The following PSMB6 variants were observed in gnomAD, a reference collection of about 807,000 sequenced individuals.
PSMB6 encodes the protein proteasome 20S subunit beta 6, also known as proteasome subunit beta type-6.
Under a neutral mutation model 28.2 loss-of-function variants are expected in PSMB6, and 11 were observed. The observed-to-expected ratio is 0.39, with a 90% CI of 0.25 to 0.65. The LOEUF is 0.65. Ranked by LOEUF, PSMB6 falls within the 30% of genes least tolerant of loss-of-function variation. The pLI is 0.48. For synonymous variants in PSMB6, 126 were observed against 117.7 expected, an observed-to-expected ratio of 1.07 and a Z score of -0.45; for missense variants, 268 against 319.4, an observed-to-expected ratio of 0.84 and a Z score of 1.23.
chr17:4,796,363 G>T (rs1367597054), intron 1 of PSMB6, 67 bp downstream of exon 1: 1 of 1,290,262 alleles, frequency 7.8e-7, no homozygotes, highest in Non-Finnish European at 1.1e-6. Context: ...TAAAGCCTGA[G>T]TGGGGTTGAG....
intron 1 of PSMB6, 149 bp from the exon 2 acceptor site, chr17:4,796,579 C>A: frequency 1.2e-6 from 1 of 841,066 alleles, no homozygotes; most frequent in Non-Finnish European, 2.1e-6. Flanking sequence ...GGTTGGCATT[C>A]TGGTATTCTG....
Position 4,797,994 on chromosome 17 carries a change from C to G in PSMB6, c.433-15C>G, listed in dbSNP as rs1567517556. On this transcript the variant is annotated splice_polypyrimidine_tract_variant and intron_variant, in intron 4 of 5. Transcript: ENST00000270586. ...GGAGGATACGACTGGTGACTCCTCT[C>G]CTTCTATCTGGCAGGTGTACTCAGT... The G allele has an allele frequency of 1.1e-5, 18 of 1,614,010 alleles. 3 individuals carry two copies. The South Asian group carries it at 1.9e-4, about 17-fold the overall frequency.
intron 2 of PSMB6, 130 bp downstream of exon 2, chr17:4,796,925 T>C: frequency 2.4e-6 from 2 of 818,842 alleles, no homozygotes; most frequent in Non-Finnish European, 4.0e-6. Flanking sequence ...AGATAAAGAT[T>C]TGTCCCAACT....
rs144706895 is a variant in PSMB6, at chr17:4,797,747, G to A, written c.368G>A (p.Arg123Gln). 3.8e-5 allele frequency: 62 copies of A among 1,614,176 alleles called. No individual in the cohort carries two copies. The highest frequency in any genetic ancestry group is 1.6e-4 in the East Asian group (7 of 44,888). Residue 123 changes from arginine to glutamine, a missense_variant, in exon 4 of 6, where the codon CGA (arginine) becomes CAA (glutamine). Transcript: ENST00000270586. ...AGCCTCTTTAAGGAGATGTGTTACC[G>A]ATACCGGGAAGACCTGATGGCGGGA... is the stretch of plus-strand genomic sequence containing the variant. ...AASLFKEMCY[R>Q]YREDLMAGII...
intron 2 of PSMB6, 143 bp downstream of exon 2, chr17:4,796,938 T>A: frequency 2.6e-6 from 2 of 757,870 alleles, no homozygotes; most frequent in Non-Finnish European, 4.4e-6. Flanking sequence ...TCCCAACTTT[T>A]GTTACTTTCA....
At chr17:4,796,638 A>G (rs1333949817) in intron 1 of PSMB6, 90 bp from the exon 2 acceptor site, 1 of 1,236,602 alleles carries the variant, frequency 8.1e-7, no homozygotes, top group East Asian at 2.3e-5. Context: ...AGCGACGGAC[A>G]GATTTTGTAT....
In PSMB6 at chr17:4,796,726, A is replaced by G; in HGVS notation, c.103-2A>G. ...GACTTACTCCTTTTTCCCTTTTCCC[A>G]GACCACTATCATGGCCGTGCAGTTT... is the stretch of plus-strand genomic sequence containing the variant. On this transcript the variant is annotated splice_acceptor_variant, in intron 1 of 5. Coordinates refer to ENST00000270586, the MANE Select transcript of PSMB6 (RefSeq NM_002798.3). LOFTEE classifies it high-confidence loss of function. The G allele has an allele frequency of 6.2e-7, 1 of 1,601,998 alleles. No individual in the cohort carries two copies. Among genetic ancestry groups the G allele is most frequent in the Non-Finnish European group, 8.6e-7 (1 of 1,169,024 alleles).
chr17:4,797,862 T>C, intron 4 of PSMB6, 51 bp downstream of exon 4: 3 of 1,608,722 alleles, frequency 1.9e-6, no homozygotes, highest in African/African-American at 1.3e-5. Flanking sequence ...TTTTATCCTC[T>C]CCCCAGCCAT....
At position 4,797,524 on chromosome 17, in the gene PSMB6, C is replaced by G; in HGVS notation, c.257C>G (p.Thr86Ser). The change falls in exon 3 of 6, where the codon ACC becomes AGC. Residue 86 changes from threonine to serine, a missense_variant. Coordinates refer to ENST00000270586, the MANE Select transcript of PSMB6 (RefSeq NM_002798.3). Reference sequence around the variant, plus strand: ...TGTCGCTCAGGCTCAGCTGCTGATACCCAGGCAGTAGCTGATGCTGTCACC... The same window carrying G: ...TGTCGCTCAGGCTCAGCTGCTGATAGCCAGGCAGTAGCTGATGCTGTCACC... ...FCCRSGSAADTQAVADAVTYQ... is the reference protein window; with the variant it reads ...FCCRSGSAADSQAVADAVTYQ... 1 of 1,605,552 alleles carries G rather than the reference C, an allele frequency of 6.2e-7. No individual in the cohort carries two copies. The highest frequency in any genetic ancestry group is 8.5e-7 in the Non-Finnish European group (1 of 1,173,910).
chr17:4,797,901 C>G, intron 4 of PSMB6, 90 bp downstream of exon 4: 1 of 1,603,102 alleles, frequency 6.2e-7, no homozygotes, highest in South Asian at 1.1e-5. Context: ...CTCTACCTCA[C>G]TTATTCTTAC....
rs367733996 is a variant in PSMB6, at chr17:4,798,239, G to T, written c.578-41G>T. ...ATTCCTCATTCCTTGCAGTGATCCC[G>T]GCATCTGAATCTGAACCCAGCTTTC... is the stretch of plus-strand genomic sequence containing the variant. On this transcript the variant is annotated intron_variant, in intron 5 of 5. Transcript: ENST00000270586. 4.4e-5 allele frequency: 71 copies of T among 1,612,322 alleles called. No individual in the cohort carries two copies. In the African/African-American group the frequency reaches 7.7e-4, roughly 18 times the overall value.
intron 5 of PSMB6, 63 bp downstream of exon 5, chr17:4,798,216 T>G: frequency 1.2e-6 from 2 of 1,612,804 alleles, no homozygotes; most frequent in Admixed American, 3.3e-5. Flanking sequence ...AGGCCAGCAT[T>G]CCTCATTCCT....
In PSMB6 at chr17:4,796,382, C is replaced by T; in HGVS notation, c.102+86C>T. The T allele has an allele frequency of 6.3e-6, 7 of 1,119,998 alleles. No individual in the cohort carries two copies. In the South Asian group the frequency reaches 1.0e-4, roughly 16 times the overall value. The allele number at this position is 1,119,998 out of a possible 1,614,324, so 69.4% of individuals were successfully genotyped here. A position where few individuals can be genotyped will look rare whatever the true frequency, so the allele number is the denominator to read the frequency against. On this transcript the variant is annotated intron_variant, in intron 1 of 5. Coordinates refer to ENST00000270586, the MANE Select transcript of PSMB6 (RefSeq NM_002798.3). Reference sequence around the variant, plus strand: ...GCCTGAGTGGGGTTGAGAGATCTGGCAGGGGTGGAGAGGAGGTGGAATGTG... The same window carrying T: ...GCCTGAGTGGGGTTGAGAGATCTGGTAGGGGTGGAGAGGAGGTGGAATGTG...
intron 1 of PSMB6, 99 bp downstream of exon 1, chr17:4,796,395 G>A: frequency 1.0e-6 from 1 of 991,134 alleles, no homozygotes; most frequent in Non-Finnish European, 1.5e-6. Context: ...GGGTGGAGAG[G>A]AGGTGGAATG....
At chr17:4,796,967 T>A in intron 2 of PSMB6, 172 bp downstream of exon 2, 1 of 632,586 alleles carries the variant, frequency 1.6e-6, no homozygotes, top group Non-Finnish European at 2.8e-6. Context: ...CACTCGTTAG[T>A]GGAATCCTTA....
intron 2 of PSMB6, 110 bp downstream of exon 2, chr17:4,796,905 C>T: frequency 1.1e-6 from 1 of 920,316 alleles, no homozygotes; most frequent in Non-Finnish European, 1.7e-6. Context: ...GAGGTTTCTT[C>T]TCTCTCTGGA....
intron 2 of PSMB6, 142 bp downstream of exon 2, chr17:4,796,937 T>G (rs1905347916): frequency 6.5e-6 from 5 of 765,288 alleles, no homozygotes; most frequent in Non-Finnish European, 8.7e-6. Context: ...GTCCCAACTT[T>G]TGTTACTTTC....
intron 1 of PSMB6, 95 bp from the exon 2 acceptor site, chr17:4,796,633 C>T (rs528082660): frequency 6.7e-6 from 8 of 1,194,618 alleles, no homozygotes; most frequent in Admixed American, 1.7e-5. Context: ...GGTTCAGCGA[C>T]GGACAGATTT....
intron 3 of PSMB6, 25 bp downstream of exon 3, chr17:4,797,594 A>G: frequency 6.3e-7 from 1 of 1,593,310 alleles, no homozygotes; most frequent in Non-Finnish European, 8.6e-7. Context: ...GGGAGGGGCA[A>G]GTATCTGAAG....
Sources: gnomAD v4.1 joint callset for allele counts on GRCh38, gnomAD v4.1.1 for gene constraint, MANE v1.5 for transcripts, NCBI Gene and HGNC (gene_info 2026-07-23, HGNC 2026-07-21) for gene names.